The following ASTN1 variants were observed in gnomAD, a reference collection of about 807,000 sequenced individuals.
ASTN1 encodes astrotactin 1, also known as astrotactin-1.
In ASTN1, 41 loss-of-function variants were observed where a neutral mutation model predicts 140.7. The ratio of observed to expected loss-of-function variants is 0.29; its 90% CI spans 0.23 to 0.38. The LOEUF (loss-of-function observed/expected upper bound fraction) is 0.38, where lower values mean the gene tolerates loss of function less well. Ranked by LOEUF, ASTN1 falls within the 10% of genes least tolerant of loss-of-function variation. The pLI is 1.00. For missense variants in ASTN1, 1,479 were observed against 1,678.8 expected (o/e 0.88, Z 2.08); for synonymous variants, 640 against 652.2 (o/e 0.98, Z 0.29).
chr1:176,890,565 C>T (rs981226280), intron 17 of ASTN1, among the ~76,000 whole-genome samples: 2 of 152,164 alleles, frequency 1.3e-5, no homozygotes, highest in African/African-American at 4.8e-5. Flanking sequence ...CAGGGGGCCA[C>T]ATTTCAAGAG....
At chr1:177,027,713 AGTGTGTGTGTGTGTGTGTGTGTGT>A (rs56405518) in intron 5 of ASTN1, among the ~76,000 whole-genome samples, 3 of 118,568 alleles carry the variant, frequency 2.5e-5, no homozygotes, top group Admixed American at 9.1e-5. Flanking sequence ...AACCCAGTAC[AGTGTGTGTGTGTGTGTGTGTGTGT>A]GTGTGTGTGT....
chr1:177,108,700 G>A (rs2102148827), intron 1 of ASTN1, among the ~76,000 whole-genome samples: 1 of 152,296 alleles, frequency 6.6e-6, no homozygotes, highest in African/African-American at 2.4e-5. Flanking sequence ...AAGAAAAACT[G>A]AAAGAAGAAG....
chr1:177,132,886 C>T (rs181004577), intron 1 of ASTN1, among the ~76,000 whole-genome samples: 10 of 152,288 alleles, frequency 6.6e-5, no homozygotes, highest in Middle Eastern at 3.4e-3. Context: ...GATACTCATA[C>T]TCAGAGTGAG....
At chr1:176,899,121 G>A (rs1557944830) in intron 16 of ASTN1, among the ~76,000 whole-genome samples, 1 of 152,192 alleles carries the variant, frequency 6.6e-6, no homozygotes, top group Non-Finnish European at 1.5e-5. Flanking sequence ...TCCTAAAACT[G>A]CAAAGCATTT....
chr1:176,892,977 T>C (rs1669329305), intron 17 of ASTN1, among the ~76,000 whole-genome samples: 1 of 152,178 alleles, frequency 6.6e-6, no homozygotes, highest in East Asian at 1.9e-4. Flanking sequence ...GGAAAGCATT[T>C]CTCAACCCAT....
intron 16 of ASTN1, among the ~76,000 whole-genome samples, chr1:176,917,817 G>A (rs1670553842): frequency 6.6e-6 from 1 of 152,166 alleles, no homozygotes; most frequent in Admixed American, 6.5e-5. Context: ...TCTGCAAGGT[G>A]CCCTTCAGGA....
rs572546365 is a variant in ASTN1, at chr1:177,007,636, G to A, written c.1523+7155C>T. Among the ~76,000 whole-genome samples, 11 of 152,212 alleles carry A rather than the reference G, an allele frequency of 7.2e-5. No homozygotes were observed. In the East Asian group the frequency reaches 2.1e-3, roughly 30 times the overall value. ...CCAGACTTGTGAAATTTAAATCTCTGGGGGTAGACGTCTGAAATCAGAAGA... is the reference window on the plus strand; with the variant it reads ...CCAGACTTGTGAAATTTAAATCTCTAGGGGTAGACGTCTGAAATCAGAAGA... On this transcript the variant is annotated intron_variant, in intron 8 of 22. Transcript: ENST00000361833.
Position 176,943,877 on chromosome 1 carries a change from G to C in ASTN1, c.2377+14C>G. The C allele has an allele frequency of 6.3e-7, 1 of 1,588,988 alleles. No homozygotes were observed. Among genetic ancestry groups the C allele is most frequent in the South Asian group, 1.1e-5 (1 of 87,914 alleles). ...GTTTGTGCCAGTTGAATAAGGTTGA[G>C]AAGGCACACTCACCAGTCAGGAAGT... On this transcript the variant is annotated intron_variant, in intron 14 of 22. Coordinates refer to ENST00000361833, the MANE Select transcript of ASTN1 (RefSeq NM_004319.3).
Position 177,103,536 on chromosome 1 carries a change from A to C in ASTN1, c.284-42271T>G, listed in dbSNP as rs1680400187. Among the ~76,000 whole-genome samples, 7 of 152,252 alleles carry C rather than the reference A, an allele frequency of 4.6e-5. No homozygotes were observed. In the South Asian group the frequency reaches 1.5e-3, roughly 32 times the overall value. ...ACTGGATTTTACATGGGAACAGGGG[A>C]GAGGATACACTGAGCTACAGAGAAG... On this transcript the variant is annotated intron_variant, in intron 1 of 22. Coordinates refer to ENST00000361833, the MANE Select transcript of ASTN1 (RefSeq NM_004319.3).
chr1:177,037,298 G>A (rs565610413), intron 2 of ASTN1, among the ~76,000 whole-genome samples: 11 of 152,240 alleles, frequency 7.2e-5, no homozygotes, highest in Non-Finnish European at 1.2e-4. Context: ...TAGCCAAGTC[G>A]AAAAGAGAAA....
intron 1 of ASTN1, among the ~76,000 whole-genome samples, chr1:177,104,767 C>T (rs1680471894): frequency 6.6e-6 from 1 of 152,218 alleles, no homozygotes. Flanking sequence ...TCAGCTCCGA[C>T]ACCAGCTGCC....
At chr1:176,896,197 T>C (rs1166516655) in intron 16 of ASTN1, among the ~76,000 whole-genome samples, 1 of 152,146 alleles carries the variant, frequency 6.6e-6, no homozygotes, top group Non-Finnish European at 1.5e-5. Flanking sequence ...GAGGAAACAA[T>C]GAGGAAGTTT....
chr1:177,145,010 G>A (rs938737881), intron 1 of ASTN1, among the ~76,000 whole-genome samples: 7 of 152,210 alleles, frequency 4.6e-5, no homozygotes, highest in African/African-American at 1.7e-4. Context: ...CAGTTTTCAG[G>A]GTGCCTTAAA....
chr1:176,953,484 C>T (rs573606395), intron 11 of ASTN1, among the ~76,000 whole-genome samples: 2 of 152,288 alleles, frequency 1.3e-5, no homozygotes, highest in East Asian at 3.9e-4. Flanking sequence ...GACATGCAGG[C>T]TCAAGCCATG....
chr1:177,062,593 A>G (rs1319606633), intron 1 of ASTN1, among the ~76,000 whole-genome samples: 2 of 150,372 alleles, frequency 1.3e-5, no homozygotes, highest in African/African-American at 4.9e-5. Flanking sequence ...AAAATTTATT[A>G]ACTTTGGCCA....
intron 1 of ASTN1, among the ~76,000 whole-genome samples, chr1:177,104,355 A>G (rs1207161542): frequency 6.6e-6 from 1 of 152,132 alleles, no homozygotes; most frequent in Non-Finnish European, 1.5e-5. Context: ...ACTTTTAATT[A>G]TCATCCTATG....
intron 1 of ASTN1, among the ~76,000 whole-genome samples, chr1:177,110,855 A>C (rs1222760551): frequency 2.0e-5 from 3 of 152,236 alleles, no homozygotes. Context: ...CTCCAATTTC[A>C]GGTTACCTCT....
At chr1:177,128,017 A>G (rs1681752009) in intron 1 of ASTN1, among the ~76,000 whole-genome samples, 1 of 152,174 alleles carries the variant, frequency 6.6e-6, no homozygotes, top group African/African-American at 2.4e-5. Context: ...AGTAATAATA[A>G]TAATATAAAT....
chr1:176,931,289 A>T (rs1263357930), intron 16 of ASTN1, among the ~76,000 whole-genome samples: 1 of 152,120 alleles, frequency 6.6e-6, no homozygotes, highest in Non-Finnish European at 1.5e-5. Flanking sequence ...CAACACGGAG[A>T]AACCCCGTCT....
Sources: gnomAD v4.1 joint callset for allele counts (sites outside exome capture counted in the v4.1 genomes callset) on GRCh38, gnomAD v4.1.1 for gene constraint, MANE v1.5 for transcripts, NCBI Gene and HGNC (gene_info 2026-07-23, HGNC 2026-07-21) for gene names.